Variants in SPEF2 observed in about 807,000 individuals in gnomAD.
SPEF2 encodes sperm flagellar and cilia associated 2.
Under a neutral mutation model 224.6 loss-of-function variants are expected in SPEF2, and 187 were observed. That is an observed-to-expected ratio of 0.83 (90% CI 0.74 to 0.94). The LOEUF (loss-of-function observed/expected upper bound fraction) is 0.94, where lower values mean the gene tolerates loss of function less well. Ranked by LOEUF, SPEF2 falls within the 40% of genes least tolerant of loss-of-function variation. The probability of loss-of-function intolerance (pLI) is 0.00; values close to 1 mark genes in which losing one functional copy is unlikely to be tolerated. For synonymous variants in SPEF2, 715 were observed against 707.3 expected, an observed-to-expected ratio of 1.01 and a Z score of -0.17; for missense variants, 2,170 against 2,135.6, an observed-to-expected ratio of 1.02 and a Z score of -0.32.
chr5:35,704,514 G>A (rs781373514), intron 16 of SPEF2, 40 bp from the exon 17 acceptor site: 2 of 1,454,730 alleles, frequency 1.4e-6, no homozygotes, highest in Admixed American at 3.7e-5. Context: ...AGCAACTTTG[G>A]TTTTGAAAAT....
At chr5:35,698,290 G>A (rs1580332271) in intron 15 of SPEF2, 1 of 152,388 alleles carries the variant, frequency 6.6e-6, no homozygotes, top group Non-Finnish European at 1.5e-5. Flanking sequence ...CAAGAGAGAT[G>A]AGGAAGGAGG....
At chr5:35,678,936 T>A (rs1219021989) in intron 10 of SPEF2, among the ~76,000 whole-genome samples, 1 of 152,182 alleles carries the variant, frequency 6.6e-6, no homozygotes, top group Non-Finnish European at 1.5e-5. Flanking sequence ...CTAAGAAACC[T>A]GGGAAGTTAT....
In SPEF2 at chr5:35,759,710, G is replaced by A; in HGVS notation, c.3611G>A (p.Ser1204Asn). Residue 1204 changes from serine (S) to asparagine (N), a missense_variant, in exon 25 of 37, where the codon AGC becomes AAC. Coordinates refer to ENST00000356031, the MANE Select transcript of SPEF2 (RefSeq NM_024867.4). ...CTGGATAGTAAAGACAATTCTGAAAGCCAGCTTAGGTAAGGCAGGCTATTA... is the reference window on the plus strand; with the variant it reads ...CTGGATAGTAAAGACAATTCTGAAAACCAGCTTAGGTAAGGCAGGCTATTA... ...VQLDSKDNSE[S>N]QLRIPLVPRI... 1.3e-6 allele frequency: 2 copies of A among 1,582,148 alleles called. No homozygotes were observed. Among genetic ancestry groups the A allele is most frequent in the Non-Finnish European group, 1.7e-6 (2 of 1,157,942 alleles).
chr5:35,654,972 G>A (rs141717688), intron 7 of SPEF2, among the ~76,000 whole-genome samples: 2,060 of 152,070 alleles, frequency 0.014, 30 homozygotes, highest in South Asian at 0.053. Context: ...CTTTAAAAAT[G>A]GTAAATTTTA....
rs1048134530 is a variant in SPEF2 at position 35,691,207 on chromosome 5, G to A, written c.1695G>A (p.Leu565=). 1.4e-5 allele frequency: 22 copies of A among 1,613,810 alleles called. No homozygotes were observed. Among genetic ancestry groups the A allele is most frequent in the African/African-American group, 4.0e-5 (3 of 74,876 alleles). ...CATTTGCTGTTAAAGGATGCTTATT[G>A]GGGAAAACATTAAGTGGAAAAACTA... is the stretch of plus-strand genomic sequence containing the variant. The part of the protein sequence containing the change: ...LPSFAVKGCL[L]GKTLSGKTTI... Residue 565 remains leucine, a synonymous_variant, in exon 11 of 37, where the codon TTG becomes TTA. Transcript: ENST00000356031.
chr5:35,779,143 G>T lies in SPEF2; in HGVS notation c.4244G>T (p.Arg1415Leu), dbSNP rs548875887. 3.7e-6 allele frequency: 6 copies of T among 1,613,300 alleles called. No homozygotes were observed. Among genetic ancestry groups the T allele is most frequent in the Non-Finnish European group, 5.1e-6 (6 of 1,179,662 alleles). Reference sequence around the variant, plus strand: ...ACAGAAAAATTAACTGACGTAGCTCGCTATCACATTGAAACATCTACAAAA... The same window carrying T: ...ACAGAAAAATTAACTGACGTAGCTCTCTATCACATTGAAACATCTACAAAA... ...ASTEKLTDVA[R>L]YHIETSTKIQ... Residue 1415 changes from arginine (R) to leucine (L), a missense_variant, in exon 30 of 37, where the codon CGC (arginine) becomes CTC (leucine). Physicochemically the swap from Arg to Leu is moderately radical, Grantham distance 102 (BLOSUM62 -2). Coordinates refer to ENST00000356031, the MANE Select transcript of SPEF2 (RefSeq NM_024867.4).
chr5:35,752,042 G>A (rs1419146782), intron 23 of SPEF2, among the ~76,000 whole-genome samples: 4 of 152,132 alleles, frequency 2.6e-5, no homozygotes, highest in East Asian at 3.8e-4. Flanking sequence ...TAAGAAGTAC[G>A]CAGCCTACAT....
At chr5:35,759,756 G>A in intron 25 of SPEF2, 37 bp downstream of exon 25, 1 of 1,464,434 alleles carries the variant, frequency 6.8e-7, no homozygotes, top group South Asian at 1.5e-5. Flanking sequence ...TAATTGTTTT[G>A]AACATAAAGC....
rs139338303 is a variant in SPEF2, at chr5:35,801,184, T to G, written c.5010+1037T>G. ...GGAGTGTGTATTTCCATTCAAGAAT[T>G]CTGCCTTCTTTGACAGTAGAAGCCC... On this transcript the variant is annotated intron_variant, in intron 34 of 36. Coordinates refer to ENST00000356031, the MANE Select transcript of SPEF2 (RefSeq NM_024867.4). Among the ~76,000 whole-genome samples the G allele has an allele frequency of 6.9e-3, 1,044 of 152,312 alleles. 15 individuals carry two copies. Among genetic ancestry groups the G allele is most frequent in the African/African-American group, 0.024 (996 of 41,568 alleles).
intron 30 of SPEF2, among the ~76,000 whole-genome samples, chr5:35,792,014 T>TA (rs1026466341): frequency 6.6e-5 from 10 of 152,038 alleles, no homozygotes; most frequent in African/African-American, 2.4e-4. Flanking sequence ...ATCATATATA[T>TA]TTTTTAAAAA....
intron 20 of SPEF2, among the ~76,000 whole-genome samples, chr5:35,724,457 C>T (rs1744291982): frequency 6.6e-6 from 1 of 151,924 alleles, no homozygotes; most frequent in Non-Finnish European, 1.5e-5. Flanking sequence ...ATCAATGAGC[C>T]AAGTAAATAG....
Position 35,691,109 on chromosome 5 carries a change from G to T in SPEF2, c.1597G>T (p.Gly533Cys), listed in dbSNP as rs565080106. Residue 533 changes from glycine (G) to cysteine (C), a missense_variant, in exon 11 of 37, where the codon GGC becomes TGC. Gly to Cys is a radical substitution (Grantham distance 159). Transcript: ENST00000356031. ...ACCACCCTCCAACAATTGCATACTG[G>T]GCCATATTCTTCACAGGCTAGCTGA... The part of the protein sequence containing the change: ...NLPPSNNCIL[G>C]HILHRLAEKS... 17 of 1,614,016 alleles carry T rather than the reference G, an allele frequency of 1.1e-5. 1 individual carries two copies. The South Asian group carries it at 1.9e-4, about 18-fold the overall frequency.
intron 34 of SPEF2, 48 bp downstream of exon 34, chr5:35,800,195 C>T (rs1409139529): frequency 1.3e-6 from 2 of 1,576,962 alleles, no homozygotes; most frequent in Non-Finnish European, 1.7e-6. Context: ...AGAGGGGATG[C>T]CTGAAGATCC....
intron 25 of SPEF2, among the ~76,000 whole-genome samples, chr5:35,761,161 C>T (rs903367882): frequency 1.3e-5 from 2 of 152,144 alleles, no homozygotes; most frequent in Middle Eastern, 3.4e-3. Flanking sequence ...ACAAACTAAA[C>T]GCAGGATAAT....
chr5:35,728,382 T>G (rs1421654223), intron 21 of SPEF2, among the ~76,000 whole-genome samples: 1 of 152,226 alleles, frequency 6.6e-6, no homozygotes, highest in Non-Finnish European at 1.5e-5. Flanking sequence ...TGCCATCTAC[T>G]ATTTTTAGTT....
At chr5:35,715,005 T>A (rs1742258306) in intron 20 of SPEF2, among the ~76,000 whole-genome samples, 1 of 151,994 alleles carries the variant, frequency 6.6e-6, no homozygotes, top group Non-Finnish European at 1.5e-5. Flanking sequence ...AGCCTTGACC[T>A]CCTAGGACCA....
Position 35,727,803 on chromosome 5 carries a change from G to A in SPEF2, c.3043G>A (p.Val1015Met), listed in dbSNP as rs773616383. The change falls in exon 21 of 37, where the codon GTG becomes ATG. Residue 1015 changes from valine (V) to methionine (M), a missense_variant. By Grantham distance (21) the Val-to-Met change is conservative. Transcript: ENST00000356031. ...PKPGSEEWVY[V>M]NEPVPEEMPL... is the part of the protein sequence containing the mutation. Reference sequence around the variant, plus strand: ...GCCAGGATCAGAAGAATGGGTCTATGTGAATGAACCAGTTCCTGAGGTATG... The same window carrying A: ...GCCAGGATCAGAAGAATGGGTCTATATGAATGAACCAGTTCCTGAGGTATG... 1 of 1,613,452 alleles carries A rather than the reference G, an allele frequency of 6.2e-7. No homozygotes were observed. The highest frequency in any genetic ancestry group is 2.2e-5 in the East Asian group (1 of 44,858).
intron 5 of SPEF2, 94 bp downstream of exon 5, chr5:35,646,901 A>G (rs1747453420): frequency 7.3e-7 from 1 of 1,362,608 alleles, no homozygotes; most frequent in African/African-American, 1.5e-5. Context: ...AAAACTTCAC[A>G]TTTGCTTTCC....
At chr5:35,639,259 G>A (rs1249734790) in intron 2 of SPEF2, among the ~76,000 whole-genome samples, 1 of 152,152 alleles carries the variant, frequency 6.6e-6, no homozygotes, top group African/African-American at 2.4e-5. Flanking sequence ...ATTCCCTAAT[G>A]TGGGAAGAGG....
Sources: gnomAD v4.1 joint callset for allele counts (sites outside exome capture counted in the v4.1 genomes callset) on GRCh38, gnomAD v4.1.1 for gene constraint, MANE v1.5 for transcripts, NCBI Gene and HGNC (gene_info 2026-07-23, HGNC 2026-07-21) for gene names.